SHC3: variants seen among roughly 807,000 people sequenced by gnomAD.
The protein encoded by SHC3 is SHC adaptor protein 3.
Under a neutral mutation model 60.4 loss-of-function variants are expected in SHC3, and 15 were observed. The observed-to-expected ratio is 0.25, with a 90% CI of 0.17 to 0.38. The LOEUF (loss-of-function observed/expected upper bound fraction) is 0.38. Among genes scored for constraint, SHC3 ranks in the 10% least tolerant of loss-of-function variants. The pLI, the probability that SHC3 is intolerant of heterozygous loss-of-function variation, is 1.00. For missense variants in SHC3, 677 were observed against 786.1 expected (o/e 0.86, Z 1.66); for synonymous variants, 294 against 325.9 (o/e 0.90, Z 1.05).
rs116570083 is a variant in SHC3 at position 89,119,409 on chromosome 9, T to C, written c.475-6783A>G. Among the ~76,000 whole-genome samples, 851 of 151,966 alleles carry C rather than the reference T, an allele frequency of 5.6e-3. 6 individuals are homozygous for C. Among genetic ancestry groups the C allele is most frequent in the African/African-American group, 0.02 (815 of 41,410 alleles). On this transcript the variant is annotated intron_variant, in intron 1 of 11. Transcript: ENST00000375835. ...AAGCCCTTCACAGGTTAAAAATATG[T>C]ATGGGTTAAACAAAGTGATGAAAAG...
intron 11 of SHC3, among the ~76,000 whole-genome samples, chr9:89,027,461 C>T (rs941744537): frequency 3.3e-5 from 5 of 151,820 alleles, no homozygotes; most frequent in East Asian, 1.9e-4. Flanking sequence ...GGACTACAGG[C>T]ACCTGCCACC....
intron 11 of SHC3, among the ~76,000 whole-genome samples, chr9:89,015,332 G>A (rs1378369036): frequency 6.6e-6 from 1 of 152,180 alleles, no homozygotes; most frequent in African/African-American, 2.4e-5. Context: ...AGTGATTTAG[G>A]GCAGGGAAGT....
At chr9:89,143,710 T>G (rs1478768917) in intron 1 of SHC3, among the ~76,000 whole-genome samples, 1 of 152,150 alleles carries the variant, frequency 6.6e-6, no homozygotes, top group Admixed American at 6.5e-5. Context: ...CAGAGATGGC[T>G]TTTAGGGCTG....
chr9:89,178,339 G>A lies in SHC3; in HGVS notation c.122C>T (p.Pro41Leu), dbSNP rs1231393657. The A allele has an allele frequency of 6.3e-7, 1 of 1,594,878 alleles. No individual in the cohort carries two copies. The highest frequency in any genetic ancestry group is 2.3e-5 in the East Asian group (1 of 42,650). ...GGACACCAAGTAGGGAGCCGCCGCC[G>A]GGGTCGCGCGCGCCGCCGAAACCTT... ...GGKVSAARAT[P>L]AAAPYLVSGE... The change falls in exon 1 of 12, where the codon CCG (proline) becomes CTG (leucine). Residue 41 changes from proline (P) to leucine (L), a missense_variant. Coordinates refer to ENST00000375835, the MANE Select transcript of SHC3 (RefSeq NM_016848.6). The surrounding 1 kb of genome is among the most constrained non-coding windows in gnomAD (Gnocchi z 6.9).
At chr9:89,171,495 CT>C (rs1826868414) in intron 1 of SHC3, among the ~76,000 whole-genome samples, 1 of 152,198 alleles carries the variant, frequency 6.6e-6, no homozygotes, top group South Asian at 2.1e-4. Flanking sequence ...CTGTTTGCTT[CT>C]TTTTCTGCCT....
chr9:89,037,565 A>G, intron 11 of SHC3: 2 of 713,964 alleles, frequency 2.8e-6, no homozygotes, highest in Non-Finnish European at 5.2e-6. Context: ...TGGGGGTTTC[A>G]TTTACTGATC....
chr9:89,066,200 G>A (rs1825178238), intron 5 of SHC3, among the ~76,000 whole-genome samples: 2 of 152,072 alleles, frequency 1.3e-5, no homozygotes. Flanking sequence ...GTAGTTCTGG[G>A]GTAAGGGCTC....
intron 2 of SHC3, among the ~76,000 whole-genome samples, chr9:89,095,087 G>A (rs534458455): frequency 6.6e-6 from 1 of 152,156 alleles, no homozygotes; most frequent in African/African-American, 2.4e-5. Flanking sequence ...ACATATAATC[G>A]CCATATGATC....
intron 2 of SHC3, among the ~76,000 whole-genome samples, chr9:89,089,236 C>T (rs1825581862): frequency 6.6e-6 from 1 of 152,098 alleles, no homozygotes. Context: ...TTTCTATGTG[C>T]ATGTGAAAAG....
intron 1 of SHC3, among the ~76,000 whole-genome samples, chr9:89,113,583 T>C (rs1440135797): frequency 6.6e-6 from 1 of 152,204 alleles, no homozygotes; most frequent in Non-Finnish European, 1.5e-5. Flanking sequence ...TTTAAATTTA[T>C]CTGAGCCTGT....
chr9:89,035,790 C>G (rs1326897352), intron 11 of SHC3, among the ~76,000 whole-genome samples: 3 of 144,258 alleles, frequency 2.1e-5, no homozygotes, highest in African/African-American at 5.1e-5. Flanking sequence ...AAACCTGTCT[C>G]TACTAAAAAT....
chr9:89,015,822 G>A (rs768096542), intron 11 of SHC3, among the ~76,000 whole-genome samples: 16 of 152,348 alleles, frequency 1.1e-4, no homozygotes, highest in African/African-American at 1.4e-4. Context: ...GCTGTGCATC[G>A]TAAAGAGGAA....
chr9:89,172,778 T>C (rs1179073587), intron 1 of SHC3, among the ~76,000 whole-genome samples: 1 of 152,258 alleles, frequency 6.6e-6, no homozygotes, highest in African/African-American at 2.4e-5. Context: ...CCATTGCATC[T>C]GAAACCATTT....
At chr9:89,086,900 C>T (rs369742991) in intron 2 of SHC3, among the ~76,000 whole-genome samples, 2 of 152,152 alleles carry the variant, frequency 1.3e-5, no homozygotes, top group East Asian at 1.9e-4. Flanking sequence ...ATCTTTCAGT[C>T]GTTGGGGGCA....
intron 1 of SHC3, among the ~76,000 whole-genome samples, chr9:89,162,130 G>A (rs1387631869): frequency 1.4e-5 from 2 of 145,672 alleles, no homozygotes; most frequent in East Asian, 3.9e-4. Context: ...ATGCTCATAG[G>A]TAGGAAGAAT....
chr9:89,008,845 A>T lies in SHC3; in HGVS notation c.*4602T>A, dbSNP rs1825978958. ...ATGACGGTAACTTACTTGATAATGC[A>T]CGCCTTCCCCGTCAGCTTCCTTCTC... On this transcript the variant is annotated 3_prime_UTR_variant, in exon 12 of 12. Transcript: ENST00000375835. 1 of 152,114 alleles carries T rather than the reference A, an allele frequency of 6.6e-6. No individual in the cohort carries two copies. The highest frequency in any genetic ancestry group is 2.1e-4 in the South Asian group (1 of 4,816). 9.4% of individuals were successfully genotyped at this position (152,114 alleles called of 1,614,324 possible).
chr9:89,025,190 C>T (rs1406142478), intron 11 of SHC3, among the ~76,000 whole-genome samples: 1 of 36,136 alleles, frequency 2.8e-5, no homozygotes. Flanking sequence ...TATCCTGGAA[C>T]AGGTCACACA....
chr9:89,150,699 T>G (rs1160429621), intron 1 of SHC3, among the ~76,000 whole-genome samples: 5 of 152,184 alleles, frequency 3.3e-5, no homozygotes, highest in Non-Finnish European at 7.3e-5. Context: ...TAAATATACA[T>G]TGTCAGTTCT....
intron 5 of SHC3, among the ~76,000 whole-genome samples, chr9:89,066,733 C>T (rs75395968): frequency 0.021 from 3,223 of 152,270 alleles, 36 homozygotes; most frequent in South Asian, 0.034. Context: ...CCCGATGTTG[C>T]CAGCACCTAA....
Sources: allele counts gnomAD v4.1 joint callset (sites outside exome capture counted in the v4.1 genomes callset), GRCh38; gene constraint gnomAD v4.1.1; non-coding constraint Gnocchi (gnomAD v3.1); transcripts MANE v1.5; gene names NCBI Gene and HGNC (gene_info 2026-07-23, HGNC 2026-07-21).